The following DMD variants were observed in gnomAD, a reference collection of about 807,000 sequenced individuals.
DMD encodes the protein mutant dystrophin.
In DMD, 63 loss-of-function variants were observed where a neutral mutation model predicts 330.1. That is an observed-to-expected ratio of 0.19 (90% confidence interval 0.16 to 0.24). DMD has a LOEUF of 0.24. DMD is among the 10% of genes least tolerant of loss of function. The probability of loss-of-function intolerance (pLI) is 1.00; values close to 1 mark genes in which losing one functional copy is unlikely to be tolerated. For synonymous variants in DMD, 1,223 were observed against 959.8 expected (o/e 1.27, Z -5.07); for missense variants, 3,344 against 2,684.1 (o/e 1.25, Z -5.43).
chrX:33,270,430 G>A (rs189134183), intron 1 of DMD, among the ~76,000 whole-genome samples: 1 of 111,277 alleles, frequency 9.0e-6, no homozygotes, highest in Non-Finnish European at 1.9e-5. Context: ...CTGAGAATAG[G>A]AGGCACCCAC....
chrX:31,901,938 AT>A (rs11327313), intron 47 of DMD, among the ~76,000 whole-genome samples: 13,305 of 110,639 alleles, frequency 0.12, 661 homozygotes, highest in Admixed American at 0.23. Flanking sequence ...CATTCTTATC[AT>A]TTTTTTATGG....
At chrX:32,619,944 A>C (rs1284948605) in intron 11 of DMD, among the ~76,000 whole-genome samples, 3 of 111,031 alleles carry the variant, frequency 2.7e-5, no homozygotes, top group Non-Finnish European at 5.7e-5. Context: ...AATTCCAGCC[A>C]CTCCACAGTA....
chrX:32,466,555 T>C (rs1237080289), intron 23 of DMD, among the ~76,000 whole-genome samples: 1 of 111,184 alleles, frequency 9.0e-6, no homozygotes, highest in African/African-American at 3.3e-5. Context: ...GATTCTGAGA[T>C]GGGGAGATTA....
chrX:31,746,740 C>A (rs1407209253), intron 51 of DMD, among the ~76,000 whole-genome samples: 3 of 110,513 alleles, frequency 2.7e-5, no homozygotes, highest in African/African-American at 9.9e-5. Context: ...GCTTGGAAAT[C>A]CTTGTGAGTT....
intron 41 of DMD, among the ~76,000 whole-genome samples, chrX:32,334,400 T>C (rs1179250862): frequency 2.7e-5 from 3 of 112,043 alleles, no homozygotes; most frequent in African/African-American, 9.7e-5. Flanking sequence ...CAATCTTTGT[T>C]GTTATTTCAA....
At chrX:33,227,747 G>A (rs1374068486) in intron 1 of DMD, among the ~76,000 whole-genome samples, 1 of 109,308 alleles carries the variant, frequency 9.1e-6, no homozygotes, top group Non-Finnish European at 1.9e-5. Context: ...TCTTTGAGTG[G>A]CATCCTGTTT....
chrX:32,841,481 A>T (rs998060379), intron 4 of DMD, among the ~76,000 whole-genome samples: 9 of 112,071 alleles, frequency 8.0e-5, no homozygotes, highest in African/African-American at 2.9e-4. Context: ...TCCACATTAC[A>T]TGATATTTGT....
In DMD at chrX:32,130,695, G is replaced by T. The variant is rs1220440324; in HGVS notation, c.6438+86221C>A. On this transcript the variant is annotated intron_variant, in intron 44 of 78. Transcript: ENST00000357033. ...TTGACTATGCAATTGCACGCTTTTT[G>T]TTTCCTTTGTCTGGAACATATTCTT... Among the ~76,000 whole-genome samples, 5 of 111,011 alleles carry T rather than the reference G, an allele frequency of 4.5e-5. No homozygotes were observed. The East Asian group carries it at 1.4e-3, about 32-fold the overall frequency.
At chrX:32,705,694 T>C (rs1009573700) in intron 7 of DMD, among the ~76,000 whole-genome samples, 1 of 111,791 alleles carries the variant, frequency 8.9e-6, no homozygotes, top group Non-Finnish European at 1.9e-5. Flanking sequence ...GCACCTGTTG[T>C]TTCCTGACTT....
intron 64 of DMD, among the ~76,000 whole-genome samples, chrX:31,218,564 G>A (rs5972339): frequency 1.8e-5 from 2 of 110,444 alleles, no homozygotes; most frequent in South Asian, 3.8e-4. Flanking sequence ...TGATAACTTC[G>A]GGCTATAAGG....
rs753587911 is a variant in DMD at position 33,002,993 on chromosome X, A to C, written c.93+17146T>G. ...CCTTTTCCTAATTTTTCAAAATTTT[A>C]AATTTTTTTATTTTAATACTTTTGG... On this transcript the variant is annotated intron_variant, in intron 2 of 78. Coordinates refer to ENST00000357033, the MANE Select transcript of DMD (RefSeq NM_004006.3). Among the ~76,000 whole-genome samples, 12 of 110,449 alleles carry C rather than the reference A, an allele frequency of 1.1e-4. No individual in the cohort carries two copies. In the South Asian group the frequency reaches 1.2e-3, roughly 11 times the overall value.
intron 2 of DMD, among the ~76,000 whole-genome samples, chrX:32,875,332 C>T (rs1299680033): frequency 8.9e-6 from 1 of 112,098 alleles, no homozygotes; most frequent in Admixed American, 9.4e-5. Flanking sequence ...CAGTGCCTGT[C>T]CTGCCTAGTC....
At chrX:31,674,239 T>A (rs2081962503) in intron 53 of DMD, among the ~76,000 whole-genome samples, 1 of 112,423 alleles carries the variant, frequency 8.9e-6, no homozygotes, top group Non-Finnish European at 1.9e-5. Context: ...ACTAAAAATG[T>A]AAGGCACTAC....
intron 1 of DMD, among the ~76,000 whole-genome samples, chrX:33,248,333 G>A (rs370020695): frequency 2.7e-5 from 3 of 112,039 alleles, no homozygotes; most frequent in African/African-American, 6.5e-5. Flanking sequence ...GAGCCACTGC[G>A]CCTGGCCGCG....
At chrX:31,578,411 CACTT>C (rs1421270132) in intron 55 of DMD, among the ~76,000 whole-genome samples, 1 of 111,945 alleles carries the variant, frequency 8.9e-6, no homozygotes, top group African/African-American at 3.2e-5. Flanking sequence ...TGCCTCCACT[CACTT>C]GTGACAGCCT....
chrX:31,880,406 T>C (rs1470953240), intron 47 of DMD, among the ~76,000 whole-genome samples: 1 of 111,595 alleles, frequency 9.0e-6, no homozygotes, highest in Non-Finnish European at 1.9e-5. Flanking sequence ...AAAAAATCTT[T>C]TAATGAGTAA....
At chrX:32,588,158 A>G (rs753006833) in intron 13 of DMD, among the ~76,000 whole-genome samples, 19 of 112,355 alleles carry the variant, frequency 1.7e-4, no homozygotes, top group Non-Finnish European at 9.4e-5. Context: ...CTTGTATCTG[A>G]CAATGCAGGC....
At chrX:32,364,887 T>A in intron 35 of DMD, 133 bp downstream of exon 35, 1 of 769,021 alleles carries the variant, frequency 1.3e-6, no homozygotes, top group Non-Finnish European at 1.9e-6. Flanking sequence ...AAAATATTGT[T>A]ATAGATATTG....
In DMD at chrX:32,545,304, A is replaced by G; in HGVS notation, c.2023T>C (p.Ser675Pro). 2 of 1,210,978 alleles carry G rather than the reference A, an allele frequency of 1.7e-6. No homozygotes were observed. Among genetic ancestry groups the G allele is most frequent in the Non-Finnish European group, 2.2e-6 (2 of 895,013 alleles). Reference sequence around the variant, plus strand: ...TCCATTACAGTTGTCTGTGTTAGTGATGGCTGAGTGGTGGTGACAGCCTGT... The same window carrying G: ...TCCATTACAGTTGTCTGTGTTAGTGGTGGCTGAGTGGTGGTGACAGCCTGT... ...ISQAVTTTQP[S>P]LTQTTVMETV... Residue 675 changes from serine (S) to proline (P), a missense_variant, in exon 17 of 79, where the codon TCA becomes CCA. Physicochemically the swap from Ser to Pro is moderately conservative, Grantham distance 74 (BLOSUM62 -1). Transcript: ENST00000357033.
Sources: gnomAD v4.1 joint callset for allele counts (sites outside exome capture counted in the v4.1 genomes callset) on GRCh38, gnomAD v4.1.1 for gene constraint, MANE v1.5 for transcripts, NCBI Gene and HGNC (gene_info 2026-07-23, HGNC 2026-07-21) for gene names.